Variants in CLEC4A observed in about 807,000 individuals in gnomAD.
CLEC4A encodes the protein C-type (calcium dependent, carbohydrate-recognition domain) lectin, superfamily member 6.
A neutral mutation model predicts 32.7 loss-of-function variants in CLEC4A; 27 were observed. That is an observed-to-expected ratio of 0.83 (90% CI 0.61 to 1.14). The LOEUF (loss-of-function observed/expected upper bound fraction) is 1.14. Ranked by LOEUF, CLEC4A falls within the 50% of genes most tolerant of loss-of-function variation. CLEC4A has a pLI of 0.00. For synonymous variants in CLEC4A, 89 were observed against 93.7 expected (o/e 0.95, Z 0.29); for missense variants, 253 against 274.6 (o/e 0.92, Z 0.55).
rs764077224 is a variant in CLEC4A, at chr12:8,138,513, C to T, written c.*226C>T. ...TGCCAGAGCCTGTACTGGAGGCCCC[C>T]ATTGTGCACACATGGAGAGAACATG... is the stretch of plus-strand genomic sequence containing the variant. On this transcript the variant is annotated 3_prime_UTR_variant, in exon 6 of 6. Transcript: ENST00000229332. The T allele has an allele frequency of 6.4e-5, 30 of 465,392 alleles. No individual in the cohort carries two copies. The South Asian group carries it at 9.7e-4, about 15-fold the overall frequency. The allele number at this position is 465,392 out of a possible 1,614,324, so 28.8% of individuals were successfully genotyped here.
chr12:8,135,286 C>A (rs975160091), intron 3 of CLEC4A, among the ~76,000 whole-genome samples: 1 of 151,802 alleles, frequency 6.6e-6, no homozygotes, highest in Admixed American at 6.6e-5. Flanking sequence ...TTCTATTGAA[C>A]TCTGGATATT....
chr12:8,138,409 C>T lies in CLEC4A; in HGVS notation c.*122C>T, dbSNP rs1948164950. ...GAATTTAGGTGGTCTGTCAACTATT[C>T]TACTTATGAGAGAATTGGTCTGTAC... is the stretch of plus-strand genomic sequence containing the variant. On this transcript the variant is annotated 3_prime_UTR_variant, in exon 6 of 6. Transcript: ENST00000229332. 52 of 1,170,706 alleles carry T rather than the reference C, an allele frequency of 4.4e-5. No individual in the cohort carries two copies. The highest frequency in any genetic ancestry group is 5.7e-5 in the Non-Finnish European group (47 of 819,778). The allele number at this position is 1,170,706 out of a possible 1,614,324, so 72.5% of individuals were successfully genotyped here. A position where few individuals can be genotyped will look rare whatever the true frequency, so the allele number is the denominator to read the frequency against.
rs371269178 is a variant in CLEC4A at position 8,138,131 on chromosome 12, C to T, written c.567-9C>T. 37 of 1,610,602 alleles carry T rather than the reference C, an allele frequency of 2.3e-5. 1 individual carries two copies. The South Asian group carries it at 2.3e-4, about 10-fold the overall frequency. On this transcript the variant is annotated splice_polypyrimidine_tract_variant and intron_variant, in intron 5 of 5. Transcript: ENST00000229332. The stretch of plus-strand genomic sequence containing the variant: ...GAAGAAATGCCCTCATCCTTTTTGT[C>T]GCTTTCAGATTCTGGCATCCACGTG...
At chr12:8,129,586 A>G (rs1947960979) in intron 3 of CLEC4A, among the ~76,000 whole-genome samples, 1 of 152,090 alleles carries the variant, frequency 6.6e-6, no homozygotes, top group Non-Finnish European at 1.5e-5. Flanking sequence ...AGGTCAACAG[A>G]TCGAGACCAT....
chr12:8,129,222 A>G (rs762951651), intron 2 of CLEC4A, 42 bp from the exon 3 acceptor site: 1 of 1,282,978 alleles, frequency 7.8e-7, no homozygotes, highest in Non-Finnish European at 1.1e-6. Flanking sequence ...GCAAAGTCAT[A>G]ATGCTACCAG....
the CLEC4A span, among the ~76,000 whole-genome samples, chr12:8,111,251 C>T: frequency 6.9e-6 from 1 of 144,604 alleles, no homozygotes; most frequent in African/African-American, 2.6e-5. Context: ...CTGATCTCAG[C>T]TCACTGCAAC....
chr12:8,129,485 C>T, intron 3 of CLEC4A, 123 bp downstream of exon 3: 2 of 707,078 alleles, frequency 2.8e-6, no homozygotes, highest in Admixed American at 2.8e-5. Flanking sequence ...ATAATTTAAG[C>T]TACAAATGTA....
intron 3 of CLEC4A, among the ~76,000 whole-genome samples, chr12:8,133,213 C>G (rs1016053312): frequency 1.3e-5 from 2 of 152,162 alleles, no homozygotes; most frequent in Admixed American, 6.5e-5. Flanking sequence ...CCACGCCCAG[C>G]CTTTTTTTGG....
At chr12:8,121,348 T>C (rs763643145), upstream of CLEC4A, 1 of 152,382 alleles carries the variant, frequency 6.6e-6, no homozygotes, top group Admixed American at 6.5e-5. Context: ...GCCCAATCAT[T>C]AATTTGTGGA....
chr12:8,117,535 A>G, the CLEC4A span, among the ~76,000 whole-genome samples: 4 of 151,790 alleles, frequency 2.6e-5, no homozygotes, highest in African/African-American at 9.7e-5. Context: ...CACCGCACCC[A>G]GCCTGCTTGG....
chr12:8,133,723 C>T (rs1948039690), intron 3 of CLEC4A: 1 of 1,584,940 alleles, frequency 6.3e-7, no homozygotes, highest in Non-Finnish European at 8.6e-7. Flanking sequence ...TGCTCTTTCC[C>T]TAGCTCCTCC....
chr12:8,123,831 A>C lies in CLEC4A; in HGVS notation c.-48A>C, dbSNP rs1447014027. The C allele has an allele frequency of 6.0e-6, 8 of 1,324,098 alleles. No individual in the cohort carries two copies. Among genetic ancestry groups the C allele is most frequent in the Non-Finnish European group, 8.7e-6 (8 of 917,172 alleles). 82.0% of individuals were successfully genotyped at this position (1,324,098 alleles called of 1,614,324 possible). A position where few individuals can be genotyped will look rare whatever the true frequency, so the allele number is the denominator to read the frequency against. On this transcript the variant is annotated 5_prime_UTR_variant, in exon 1 of 6. Transcript: ENST00000229332. The stretch of plus-strand genomic sequence containing the variant: ...TTCCTGTTTATAAGATGTTTTAAGA[A>C]AGATCTGAAACAGATTTTCTGAAGA...
At chr12:8,112,823 A>G in the CLEC4A span, among the ~76,000 whole-genome samples, 1 of 152,220 alleles carries the variant, frequency 6.6e-6, no homozygotes, top group African/African-American at 2.4e-5. Context: ...CCAAAATTAC[A>G]TATATCATAG....
Position 8,136,853 on chromosome 12 carries a change from T to G in CLEC4A, c.516T>G (p.Gly172=), listed in dbSNP as rs780431971. Residue 172 remains glycine (G), a synonymous_variant, in exon 5 of 6, where the codon GGT becomes GGG. Transcript: ENST00000229332. ...AYFVGLSDPE[G]QRHWQWVDQT... is the part of the protein sequence containing the mutation. ...TTGTGGGGCTCTCAGATCCAGAAGG[T>G]CAGCGACATTGGCAATGGGTTGATC... 6.3e-5 allele frequency: 101 copies of G among 1,613,620 alleles called. No homozygotes were observed. The highest frequency in any genetic ancestry group is 8.5e-5 in the Non-Finnish European group (100 of 1,179,686).
At chr12:8,137,896 A>G (rs1255304825) in intron 5 of CLEC4A, among the ~76,000 whole-genome samples, 1 of 152,218 alleles carries the variant, frequency 6.6e-6, no homozygotes, top group Non-Finnish European at 1.5e-5. Flanking sequence ...AACCTCTAGA[A>G]AATCTATGGT....
At position 8,135,710 on chromosome 12, in the gene CLEC4A, C is replaced by T. The variant is rs529432938; in HGVS notation, c.424C>T (p.Leu142=). Residue 142 remains leucine (L), a synonymous_variant, in exon 4 of 6, where the codon CTG becomes TTG. Transcript: ENST00000229332. ...CTGTGCTAGAATGGAGGCTCACCTG[C>T]TGGTGATAAACACTCAAGAAGAGCA... The part of the protein sequence containing the change: ...KDCARMEAHL[L]VINTQEEQDF... 7.2e-5 allele frequency: 117 copies of T among 1,613,994 alleles called. No homozygotes were observed. Among genetic ancestry groups the T allele is most frequent in the Non-Finnish European group, 9.7e-5 (115 of 1,179,966 alleles).
intron 3 of CLEC4A, chr12:8,134,711 G>C: frequency 1.3e-6 from 2 of 1,569,536 alleles, no homozygotes; most frequent in Non-Finnish European, 1.7e-6. Context: ...ACCCCGGCCC[G>C]ATTCCTGGCC....
chr12:8,117,160 C>T, the CLEC4A span, among the ~76,000 whole-genome samples: 2 of 151,838 alleles, frequency 1.3e-5, no homozygotes, highest in Non-Finnish European at 2.9e-5. Context: ...TTTGGGTTAT[C>T]CAGTGCCATA....
At chr12:8,113,411 A>T in the CLEC4A span, among the ~76,000 whole-genome samples, 2 of 152,128 alleles carry the variant, frequency 1.3e-5, no homozygotes, top group Non-Finnish European at 2.9e-5. Context: ...CATTTTGACA[A>T]ATTTGGCTTT....
Sources: gnomAD v4.1 joint callset for allele counts (sites outside exome capture counted in the v4.1 genomes callset) on GRCh38, gnomAD v4.1.1 for gene constraint, MANE v1.5 for transcripts, NCBI Gene and HGNC (gene_info 2026-07-23, HGNC 2026-07-21) for gene names.